RNF144A: variants seen among roughly 807,000 people sequenced by gnomAD.
The protein encoded by RNF144A is E3 ubiquitin-protein ligase RNF144A.
Under a neutral mutation model 38.7 loss-of-function variants are expected in RNF144A, and 11 were observed. The ratio of observed to expected loss-of-function variants is 0.28; its 90% CI spans 0.18 to 0.47. The LOEUF is 0.47. Ranked by LOEUF, RNF144A falls within the 20% of genes least tolerant of loss-of-function variation. The pLI, the probability that RNF144A is intolerant of heterozygous loss-of-function variation, is 0.99. For synonymous variants in RNF144A, 149 were observed against 143.9 expected (o/e 1.04, Z -0.25); for missense variants, 316 against 377.2 (o/e 0.84, Z 1.34).
chr2:7,054,342 A>G (rs181985898), intron 6 of RNF144A, among the ~76,000 whole-genome samples: 1 of 152,342 alleles, frequency 6.6e-6, no homozygotes, highest in Admixed American at 6.5e-5. Flanking sequence ...ATACATATAC[A>G]TACATATGTA....
intron 6 of RNF144A, among the ~76,000 whole-genome samples, chr2:7,022,557 C>T (rs545496122): frequency 6.8e-4 from 103 of 152,332 alleles, no homozygotes; most frequent in Non-Finnish European, 1.3e-3. Context: ...CCCCAGGAGA[C>T]ACTGTACACG....
At chr2:7,060,898 C>G (rs1456443560) in intron 6 of RNF144A, among the ~76,000 whole-genome samples, 2 of 152,152 alleles carry the variant, frequency 1.3e-5, no homozygotes, top group Non-Finnish European at 2.9e-5. Context: ...TTGCAAATAC[C>G]TATGTATTCC....
chr2:6,930,482 A>G (rs1386942476), intron 1 of RNF144A, among the ~76,000 whole-genome samples: 1 of 152,146 alleles, frequency 6.6e-6, no homozygotes, highest in Admixed American at 6.6e-5. Context: ...GTTACTCCAT[A>G]TATATACACA....
chr2:6,947,401 A>G (rs1367168275), intron 2 of RNF144A, among the ~76,000 whole-genome samples: 1 of 152,204 alleles, frequency 6.6e-6, no homozygotes, highest in African/African-American at 2.4e-5. Flanking sequence ...CTGATAAAAT[A>G]TAGACAAGGA....
At chr2:7,061,751 A>AGAAT (rs1673964369) in intron 6 of RNF144A, among the ~76,000 whole-genome samples, 1 of 152,244 alleles carries the variant, frequency 6.6e-6, no homozygotes, top group Admixed American at 6.5e-5. Context: ...ACTCAACACA[A>AGAAT]GAATGAGAAA....
intron 1 of RNF144A, among the ~76,000 whole-genome samples, chr2:6,924,508 A>T (rs1664741975): frequency 6.6e-6 from 1 of 151,798 alleles, no homozygotes; most frequent in Admixed American, 6.6e-5. Flanking sequence ...AGTGTAGAGA[A>T]GGGGGTGCTC....
At chr2:7,008,233 G>T (rs1670574207) in intron 3 of RNF144A, among the ~76,000 whole-genome samples, 1 of 152,260 alleles carries the variant, frequency 6.6e-6, no homozygotes, top group Non-Finnish European at 1.5e-5. Flanking sequence ...ACAAAGAGCG[G>T]CCTTCCTCCT....
At chr2:6,989,397 G>T (rs1669190450) in intron 2 of RNF144A, among the ~76,000 whole-genome samples, 1 of 152,176 alleles carries the variant, frequency 6.6e-6, no homozygotes, top group Non-Finnish European at 1.5e-5. Context: ...AGTGGCTTCA[G>T]AACTGTTAAC....
chr2:7,062,518 G>T (rs376108555), intron 6 of RNF144A, among the ~76,000 whole-genome samples: 5 of 121,934 alleles, frequency 4.1e-5, no homozygotes, highest in African/African-American at 1.5e-4. Flanking sequence ...AAAAAAAAAA[G>T]AAAGAAATAG....
At chr2:6,984,694 T>C (rs1252996498) in intron 2 of RNF144A, among the ~76,000 whole-genome samples, 1 of 152,260 alleles carries the variant, frequency 6.6e-6, no homozygotes, top group Non-Finnish European at 1.5e-5. Context: ...TTATTCATCT[T>C]AACAGCATTG....
the RNF144A span, among the ~76,000 whole-genome samples, chr2:7,074,087 C>T: frequency 6.6e-6 from 1 of 152,234 alleles, no homozygotes; most frequent in Non-Finnish European, 1.5e-5. Flanking sequence ...TAATACTCTC[C>T]AGAGCCCATA....
At chr2:7,001,144 A>G (rs1185476912) in intron 3 of RNF144A, among the ~76,000 whole-genome samples, 1 of 152,020 alleles carries the variant, frequency 6.6e-6, no homozygotes, top group African/African-American at 2.4e-5. Flanking sequence ...TACTAAAAAT[A>G]CAAAAAGTAT....
At chr2:6,961,884 G>A (rs570812641) in intron 2 of RNF144A, among the ~76,000 whole-genome samples, 1 of 152,252 alleles carries the variant, frequency 6.6e-6, no homozygotes, top group African/African-American at 2.4e-5. Flanking sequence ...TGTTTGATTG[G>A]CATTTGAAAA....
Position 7,042,878 on chromosome 2 carries a change from T to C in RNF144A, c.*3118T>C. 1 of 984,572 alleles carries C rather than the reference T, an allele frequency of 1.0e-6. No individual in the cohort carries two copies. Among genetic ancestry groups the C allele is most frequent in the Non-Finnish European group, 1.2e-6 (1 of 829,136 alleles). The allele number at this position is 984,572 out of a possible 1,614,324, so 61.0% of individuals were successfully genotyped here. A position where few individuals can be genotyped will look rare whatever the true frequency, so the allele number is the denominator to read the frequency against. On this transcript the variant is annotated 3_prime_UTR_variant, in exon 9 of 9. Transcript: ENST00000320892. ...CTCTGGCATTTTCTTTCTTTTTTTT[T>C]CTTTTTGAGACGGAGTTTCGCTTTT... is the stretch of plus-strand genomic sequence containing the variant.
chr2:6,959,726 G>T (rs181885811), intron 2 of RNF144A, among the ~76,000 whole-genome samples: 1 of 152,298 alleles, frequency 6.6e-6, no homozygotes, highest in East Asian at 1.9e-4. Context: ...CATAACCGGT[G>T]AATGGATTAA....
chr2:7,035,856 A>G (rs1334077689), intron 8 of RNF144A, among the ~76,000 whole-genome samples: 1 of 152,228 alleles, frequency 6.6e-6, no homozygotes, highest in South Asian at 2.1e-4. Context: ...TCAAACGGAA[A>G]ACAGTGCTGT....
chr2:6,952,536 A>G (rs747112577), intron 2 of RNF144A, among the ~76,000 whole-genome samples: 2 of 151,106 alleles, frequency 1.3e-5, no homozygotes, highest in Non-Finnish European at 3.0e-5. Context: ...AATTTTTTTC[A>G]AAGTTTGTAA....
intron 8 of RNF144A, among the ~76,000 whole-genome samples, chr2:7,036,480 C>A (rs1672685342): frequency 6.6e-6 from 1 of 152,168 alleles, no homozygotes. Flanking sequence ...ATGCTTATGT[C>A]CTGGAAGCCA....
chr2:6,997,499 T>C (rs563355248), intron 3 of RNF144A, among the ~76,000 whole-genome samples: 1 of 152,330 alleles, frequency 6.6e-6, no homozygotes, highest in Admixed American at 6.5e-5. Flanking sequence ...TAAACTAGAA[T>C]ATAGATATTT....
Sources: allele counts gnomAD v4.1 joint callset (sites outside exome capture counted in the v4.1 genomes callset), GRCh38; gene constraint gnomAD v4.1.1; transcripts MANE v1.5; gene names NCBI Gene and HGNC (gene_info 2026-07-23, HGNC 2026-07-21).